Variants in CTBP1 observed in about 807,000 individuals in gnomAD.
The protein encoded by CTBP1 is C-terminal binding protein 1, also known as C-terminal-binding protein 1.
In CTBP1, 11 loss-of-function variants were observed where a neutral mutation model predicts 42.1. That is an observed-to-expected ratio of 0.26 (90% CI 0.16 to 0.43). The LOEUF is 0.43. Among genes scored for constraint, CTBP1 ranks in the 20% least tolerant of loss-of-function variants. The pLI, the probability that CTBP1 is intolerant of heterozygous loss-of-function variation, is 1.00. For synonymous variants in CTBP1, 324 were observed against 277.1 expected, an observed-to-expected ratio of 1.17 and a Z score of -1.68; for missense variants, 399 against 624.3, an observed-to-expected ratio of 0.64 and a Z score of 3.85.
chr4:1,246,028 C>T (rs1732683623), intron 1 of CTBP1, among the ~76,000 whole-genome samples: 1 of 152,158 alleles, frequency 6.6e-6, no homozygotes, highest in Non-Finnish European at 1.5e-5. Flanking sequence ...TCTGGCTTCA[C>T]AGGGAAAAAA....
At chr4:1,237,198 C>T (rs1731616289) in intron 3 of CTBP1, 1 of 670,104 alleles carries the variant, frequency 1.5e-6, no homozygotes, top group Non-Finnish European at 2.7e-6. Context: ...TGTCCACCTC[C>T]TGATGGGGCA....
At chr4:1,214,646 G>A (rs1040641097) in intron 6 of CTBP1, among the ~76,000 whole-genome samples, 173 bp from the exon 7 acceptor site, 3 of 152,216 alleles carry the variant, frequency 2.0e-5, no homozygotes, top group Non-Finnish European at 2.9e-5. Context: ...GTGCTGCACC[G>A]CGGCCCTGAC....
At chr4:1,225,715 T>C in intron 4 of CTBP1, 149 bp from the exon 5 acceptor site, 3 of 793,272 alleles carry the variant, frequency 3.8e-6, no homozygotes, top group Non-Finnish European at 5.8e-6. Context: ...GGCCACGAGA[T>C]GAACACGTTG....
At chr4:1,243,316 A>G in intron 1 of CTBP1, 2 of 985,382 alleles carry the variant, frequency 2.0e-6, no homozygotes, top group Non-Finnish European at 2.4e-6. Context: ...CCCTGCAGTG[A>G]GGAGGCCGTG....
chr4:1,213,610 G>C lies in CTBP1; in HGVS notation c.861-5C>G. 6.2e-7 allele frequency: 1 copy of C among 1,612,560 alleles called. No individual in the cohort carries two copies. The highest frequency in any genetic ancestry group is 8.5e-7 in the Non-Finnish European group (1 of 1,179,796). On this transcript the variant is annotated splice_region_variant and splice_polypyrimidine_tract_variant and intron_variant, in intron 7 of 9. Transcript: ENST00000382952. ...TTCAGAGGGCCCTGGCTAAAGCTGGGAACAGCACAGGCATGGTCAGTGCAG... is the reference window on the plus strand; with the variant it reads ...TTCAGAGGGCCCTGGCTAAAGCTGGCAACAGCACAGGCATGGTCAGTGCAG...
chr4:1,248,984 AC>A lies in CTBP1; in HGVS notation c.-258del. On this transcript the variant is annotated 5_prime_UTR_variant, in exon 1 of 10. Transcript: ENST00000382952. ...GAGGCGCGAGCGGCCGCGGGCCCCG[AC>A]CACTCCGGCGCGCTGCGCCGCCGCG... The A allele has an allele frequency of 1.0e-6, 1 of 977,836 alleles. No individual in the cohort carries two copies. The highest frequency in any genetic ancestry group is 4.2e-5 in the South Asian group (1 of 23,988). The allele number at this position is 977,836 out of a possible 1,614,324, so 60.6% of individuals were successfully genotyped here.
In CTBP1 at chr4:1,214,392, C is replaced by T; in HGVS notation, c.811G>A (p.Gly271Ser). The change falls in exon 7 of 10, where the codon GGC becomes AGC. Residue 271 changes from glycine (G) to serine (S), a missense_variant. By Grantham distance (56) the Gly-to-Ser change is moderately conservative (BLOSUM62 0). This residue lies in a region of CTBP1 where 309 missense variants were observed against 497.5 expected (regional missense o/e 0.62). Transcript: ENST00000382952. ...EKALAQALKE[G>S]RIRGAALDVH... ...TCCAGGGCCGCGCCGCGGATCCGGCCCTCCTTCAGGGCCTGGGCCAGCGCC... is the reference window on the plus strand; with the variant it reads ...TCCAGGGCCGCGCCGCGGATCCGGCTCTCCTTCAGGGCCTGGGCCAGCGCC... 1 of 1,565,492 alleles carries T rather than the reference C, an allele frequency of 6.4e-7. No individual in the cohort carries two copies. The highest frequency in any genetic ancestry group is 8.6e-7 in the Non-Finnish European group (1 of 1,161,364).
intron 1 of CTBP1, chr4:1,243,901 A>T: frequency 1.0e-6 from 1 of 985,484 alleles, no homozygotes; most frequent in Non-Finnish European, 1.2e-6. Context: ...CTCACCCTGC[A>T]GACGCTTAAC....
chr4:1,215,683 GC>G lies in CTBP1; in HGVS notation c.729+307del, dbSNP rs1402900590. 9.4e-6 allele frequency: 4 copies of G among 424,998 alleles called. No homozygotes were observed. In the East Asian group the frequency reaches 1.9e-4, roughly 20 times the overall value. The allele number at this position is 424,998 out of a possible 1,614,324, so 26.3% of individuals were successfully genotyped here. ...CGGAAGTCACAAGGGCCGACCCAAC[GC>G]CCCCAGGTAGCTGCATCTGTCCCCA... is the stretch of plus-strand genomic sequence containing the variant. On this transcript the variant is annotated intron_variant, in intron 6 of 9. Transcript: ENST00000382952.
chr4:1,234,008 G>A (rs1343572751), intron 3 of CTBP1, among the ~76,000 whole-genome samples: 1 of 152,230 alleles, frequency 6.6e-6, no homozygotes, highest in Non-Finnish European at 1.5e-5. Flanking sequence ...ACAGTCCAAG[G>A]TGGCTACCCC....
intron 3 of CTBP1, chr4:1,236,427 G>A (rs1468288408): frequency 3.5e-6 from 2 of 564,348 alleles, no homozygotes; most frequent in Non-Finnish European, 6.4e-6. Flanking sequence ...CGCAACTGGG[G>A]CCGGGGGAAG....
At position 1,211,779 on chromosome 4, in the gene CTBP1, C is replaced by G. The variant is rs1459810395; in HGVS notation, c.*461G>C. 1 of 152,468 alleles carries G rather than the reference C, an allele frequency of 6.6e-6. No individual in the cohort carries two copies. Among genetic ancestry groups the G allele is most frequent in the Non-Finnish European group, 1.4e-5 (1 of 68,996 alleles). The allele number at this position is 152,468 out of a possible 1,614,324, so 9.4% of individuals were successfully genotyped here. ...ACAAGCAGGTAGAAAAAACAATGCA[C>G]TGTGTGGCATAAAAAGAAAAACGGG... On this transcript the variant is annotated 3_prime_UTR_variant, in exon 10 of 10. Transcript: ENST00000382952.
rs764063478 is a variant in CTBP1 at position 1,241,368 on chromosome 4, C to T, written c.-37G>A. ...GGCTCAGCTTCCACGACCATGAATT[C>T]GACTTTTCAAAGCTTTTTATCTTCA... is the stretch of plus-strand genomic sequence containing the variant. On this transcript the variant is annotated 5_prime_UTR_variant, in exon 2 of 10. Coordinates refer to ENST00000382952, the MANE Select transcript of CTBP1 (RefSeq NM_001012614.2). The T allele has an allele frequency of 1.3e-5, 14 of 1,063,454 alleles. No individual in the cohort carries two copies. The highest frequency in any genetic ancestry group is 2.0e-4 in the Middle Eastern group (1 of 5,018). 65.9% of individuals were successfully genotyped at this position (1,063,454 alleles called of 1,614,324 possible).
At chr4:1,232,386 A>G (rs1375975758) in intron 3 of CTBP1, among the ~76,000 whole-genome samples, 2 of 152,124 alleles carry the variant, frequency 1.3e-5, no homozygotes, top group Non-Finnish European at 2.9e-5. Context: ...ATCTTGGCTC[A>G]CTGCAACCTC....
intron 7 of CTBP1, chr4:1,213,841 T>G: frequency 1.9e-6 from 1 of 526,496 alleles, no homozygotes; most frequent in Non-Finnish European, 3.3e-6. Context: ...AATCTCCAAG[T>G]CCCTCGTGGG....
At chr4:1,223,163 A>T (rs2020137) in intron 5 of CTBP1, among the ~76,000 whole-genome samples, 2 of 151,562 alleles carry the variant, frequency 1.3e-5, no homozygotes, top group African/African-American at 2.4e-5. Flanking sequence ...CCTCTGCCCC[A>T]ACCTGGGCTT....
At chr4:1,242,076 G>C in intron 1 of CTBP1, 3 of 985,364 alleles carry the variant, frequency 3.0e-6, no homozygotes, top group Non-Finnish European at 3.6e-6. Context: ...GACCCTCAGT[G>C]CATCCTGGCG....
At chr4:1,213,381 G>T (rs1335445583) in intron 8 of CTBP1, 97 bp downstream of exon 8, 2 of 1,570,130 alleles carry the variant, frequency 1.3e-6, no homozygotes, top group Non-Finnish European at 1.7e-6. Flanking sequence ...TGAGCTGGCA[G>T]AACATGGGCC....
chr4:1,244,607 CCCT>C (rs1335134365), intron 1 of CTBP1: 2 of 985,208 alleles, frequency 2.0e-6, no homozygotes, highest in African/African-American at 1.7e-5. Flanking sequence ...ATCTTCTTCC[CCCT>C]CCCCACAGCA....
Sources: gnomAD v4.1 joint callset for allele counts (sites outside exome capture counted in the v4.1 genomes callset) on GRCh38, gnomAD v4.1.1 for gene constraint, gnomAD v4.1.1 regional missense constraint, MANE v1.5 for transcripts, NCBI Gene and HGNC (gene_info 2026-07-23, HGNC 2026-07-21) for gene names.